Variants in KCNB2 observed in about 807,000 individuals in gnomAD.
KCNB2 encodes the protein potassium voltage-gated channel subfamily B member 2.
Under a neutral mutation model 61.5 loss-of-function variants are expected in KCNB2, and 15 were observed. That is an observed-to-expected ratio of 0.24 (90% confidence interval 0.16 to 0.38). KCNB2 has a LOEUF of 0.38. Ranked by LOEUF, KCNB2 falls within the 10% of genes least tolerant of loss-of-function variation. The pLI is 1.00. For synonymous variants in KCNB2, 457 were observed against 446.0 expected (o/e 1.02, Z -0.31); for missense variants, 828 against 1,125.2 (o/e 0.74, Z 3.78).
At chr8:72,556,972 T>G (rs1371916393) in intron 1 of KCNB2, among the ~76,000 whole-genome samples, 1 of 152,160 alleles carries the variant, frequency 6.6e-6, no homozygotes, top group Non-Finnish European at 1.5e-5. Flanking sequence ...AAAGATCATG[T>G]CTTCTTGCTG....
chr8:72,546,355 A>C (rs1806258014), intron 1 of KCNB2, among the ~76,000 whole-genome samples: 1 of 152,120 alleles, frequency 6.6e-6, no homozygotes, highest in Non-Finnish European at 1.5e-5. Context: ...GTCTACTAAA[A>C]AAATACAAAA....
intron 1 of KCNB2, among the ~76,000 whole-genome samples, chr8:72,548,325 G>C (rs887577702): frequency 6.6e-6 from 1 of 152,044 alleles, no homozygotes; most frequent in Non-Finnish European, 1.5e-5. Context: ...ATTTCCATTT[G>C]GAAAAATGAA....
At chr8:72,818,672 A>C (rs1431255258) in intron 2 of KCNB2, among the ~76,000 whole-genome samples, 7 of 152,146 alleles carry the variant, frequency 4.6e-5, no homozygotes. Flanking sequence ...TTTCTTATTC[A>C]TCTGCTAATT....
At chr8:72,859,731 T>G (rs1167522848) in intron 2 of KCNB2, among the ~76,000 whole-genome samples, 1 of 141,316 alleles carries the variant, frequency 7.1e-6, no homozygotes, top group South Asian at 2.4e-4. Flanking sequence ...TTTTTTTTTT[T>G]TTTTTGAGAT....
intron 2 of KCNB2, among the ~76,000 whole-genome samples, chr8:72,796,270 C>A (rs1213188583): frequency 2.0e-5 from 3 of 152,152 alleles, no homozygotes; most frequent in South Asian, 2.1e-4. Context: ...CAGGTTTGCT[C>A]TTTACAGCCA....
chr8:72,657,809 A>G (rs993760580), intron 2 of KCNB2, among the ~76,000 whole-genome samples: 1 of 152,090 alleles, frequency 6.6e-6, no homozygotes, highest in African/African-American at 2.4e-5. Context: ...TGTAACCACT[A>G]ATAAAATTCA....
intron 2 of KCNB2, among the ~76,000 whole-genome samples, chr8:72,815,870 T>C (rs1866736): frequency 0.02 from 3,080 of 152,160 alleles, 40 homozygotes; most frequent in Non-Finnish European, 0.025. Context: ...AACCTTACTA[T>C]GAAAAGCTTG....
At chr8:72,702,768 G>A (rs1807155168) in intron 2 of KCNB2, among the ~76,000 whole-genome samples, 1 of 152,222 alleles carries the variant, frequency 6.6e-6, no homozygotes, top group African/African-American at 2.4e-5. Flanking sequence ...CTGGCTGACA[G>A]CTCTGGCAGG....
intron 2 of KCNB2, among the ~76,000 whole-genome samples, chr8:72,675,419 C>T (rs1024283852): frequency 1.3e-5 from 2 of 151,958 alleles, no homozygotes; most frequent in African/African-American, 4.8e-5. Context: ...GTCTAGAAGT[C>T]TAGGTGGTTG....
At chr8:72,795,165 G>A (rs1488174220) in intron 2 of KCNB2, among the ~76,000 whole-genome samples, 3 of 152,202 alleles carry the variant, frequency 2.0e-5, no homozygotes, top group Admixed American at 6.5e-5. Context: ...GACAAAAAAA[G>A]CATATGGATC....
At chr8:72,604,999 G>A (rs974125487) in intron 2 of KCNB2, among the ~76,000 whole-genome samples, 1 of 152,200 alleles carries the variant, frequency 6.6e-6, no homozygotes, top group African/African-American at 2.4e-5. Flanking sequence ...CAGCAGTCTT[G>A]CTTAGAATAT....
chr8:72,568,899 A>C (rs1806668001), intron 2 of KCNB2, among the ~76,000 whole-genome samples: 2 of 151,852 alleles, frequency 1.3e-5, no homozygotes, highest in Admixed American at 1.3e-4. Context: ...CTCCTTTAAC[A>C]GTGCATGTTT....
intron 2 of KCNB2, among the ~76,000 whole-genome samples, chr8:72,623,956 C>T (rs1259810339): frequency 6.6e-6 from 1 of 152,144 alleles, no homozygotes; most frequent in Admixed American, 6.6e-5. Flanking sequence ...CATGTCCCCC[C>T]AGATGCTTGA....
intron 2 of KCNB2, among the ~76,000 whole-genome samples, chr8:72,602,165 T>C (rs1471894212): frequency 6.6e-6 from 1 of 152,210 alleles, no homozygotes; most frequent in East Asian, 1.9e-4. Flanking sequence ...TAATAACTGA[T>C]ATTAGGCAGC....
chr8:72,616,705 G>T (rs1425093051), intron 2 of KCNB2, among the ~76,000 whole-genome samples: 1 of 152,156 alleles, frequency 6.6e-6, no homozygotes. Flanking sequence ...CTCTTCCCAT[G>T]GAATGCAAAG....
chr8:72,553,427 A>G (rs1362425241), intron 1 of KCNB2, among the ~76,000 whole-genome samples: 1 of 150,658 alleles, frequency 6.6e-6, no homozygotes, highest in Non-Finnish European at 1.5e-5. Flanking sequence ...AAGTACAAAG[A>G]AAGAGTCTAT....
intron 2 of KCNB2, among the ~76,000 whole-genome samples, chr8:72,808,182 T>C (rs1410901103): frequency 6.6e-6 from 1 of 152,206 alleles, no homozygotes; most frequent in Non-Finnish European, 1.5e-5. Flanking sequence ...GGTTTTCTAA[T>C]ATGAGCTCCA....
intron 2 of KCNB2, among the ~76,000 whole-genome samples, chr8:72,745,117 G>A (rs2128995012): frequency 6.6e-6 from 1 of 152,288 alleles, no homozygotes; most frequent in African/African-American, 2.4e-5. Flanking sequence ...CCACCTCCCT[G>A]ATCCAGAGAG....
chr8:72,845,594 T>A (rs1326218060), intron 2 of KCNB2, among the ~76,000 whole-genome samples: 1 of 152,154 alleles, frequency 6.6e-6, no homozygotes, highest in Non-Finnish European at 1.5e-5. Flanking sequence ...TATCTATAAG[T>A]CCCCGACTGG....
Sources: allele counts gnomAD v4.1 joint callset (sites outside exome capture counted in the v4.1 genomes callset), GRCh38; gene constraint gnomAD v4.1.1; transcripts MANE v1.5; gene names NCBI Gene and HGNC (gene_info 2026-07-23, HGNC 2026-07-21).